Variants in TLL1 observed in about 807,000 individuals in gnomAD.
The protein encoded by TLL1 is tolloid like 1, also known as tolloid-like protein 1.
Under a neutral mutation model 128.2 loss-of-function variants are expected in TLL1, and 49 were observed. The ratio of observed to expected loss-of-function variants is 0.38; its 90% CI spans 0.30 to 0.48. The LOEUF (loss-of-function observed/expected upper bound fraction) is 0.48. Among genes scored for constraint, TLL1 ranks in the 20% least tolerant of loss-of-function variants. The pLI, the probability that TLL1 is intolerant of heterozygous loss-of-function variation, is 0.96. For missense variants in TLL1, 1,123 were observed against 1,242.0 expected, an observed-to-expected ratio of 0.90 and a Z score of 1.44; for synonymous variants, 454 against 418.8, an observed-to-expected ratio of 1.08 and a Z score of -1.03.
intron 12 of TLL1, among the ~76,000 whole-genome samples, chr4:166,054,727 ATTTTTAGTGATAAT>A (rs544127219): frequency 0.015 from 2,235 of 152,012 alleles, 67 homozygotes; most frequent in African/African-American, 0.051. Context: ...TCAGGCCCAG[ATTTTTAGTGATAAT>A]TTTTAATTTT....
intron 18 of TLL1, 30 bp downstream of exon 18, chr4:166,078,060 T>C: frequency 6.2e-7 from 1 of 1,612,158 alleles, no homozygotes; most frequent in Non-Finnish European, 8.5e-7. Context: ...TTCTTTCCAT[T>C]AAGCTGACTG....
chr4:166,030,540 T>C (rs947304136), intron 9 of TLL1: 1 of 593,932 alleles, frequency 1.7e-6, no homozygotes, highest in Non-Finnish European at 3.1e-6. Context: ...TTTAGTTTTA[T>C]TGCCTGTGCT....
chr4:165,967,957 C>T (rs1053996903), intron 1 of TLL1, among the ~76,000 whole-genome samples: 8 of 152,150 alleles, frequency 5.3e-5, no homozygotes, highest in Non-Finnish European at 1.0e-4. Context: ...TACATAACAA[C>T]AATACAATGC....
chr4:165,986,326 C>T (rs1736392245), intron 1 of TLL1, among the ~76,000 whole-genome samples: 1 of 151,926 alleles, frequency 6.6e-6, no homozygotes, highest in South Asian at 2.1e-4. Context: ...AAATAGGACA[C>T]AGATTTAAAT....
intron 14 of TLL1, among the ~76,000 whole-genome samples, chr4:166,059,360 T>A (rs1032334100): frequency 1.3e-5 from 2 of 152,140 alleles, no homozygotes; most frequent in Admixed American, 6.6e-5. Context: ...TTTGCTAATT[T>A]CACTGTCAAT....
chr4:166,041,808 C>T (rs1482083094), intron 10 of TLL1, among the ~76,000 whole-genome samples: 1 of 152,158 alleles, frequency 6.6e-6, no homozygotes, highest in Non-Finnish European at 1.5e-5. Flanking sequence ...GTCAGCTACT[C>T]TGAGGCTGAT....
At chr4:166,075,601 A>G (rs181225664) in intron 17 of TLL1, among the ~76,000 whole-genome samples, 1 of 152,282 alleles carries the variant, frequency 6.6e-6, no homozygotes, top group Non-Finnish European at 1.5e-5. Flanking sequence ...TAAAGCAGTA[A>G]TCCTAATCCC....
chr4:165,918,138 AC>A (rs1198412933), intron 1 of TLL1, among the ~76,000 whole-genome samples: 1 of 152,220 alleles, frequency 6.6e-6, no homozygotes, highest in Non-Finnish European at 1.5e-5. Context: ...ATAATAGTAT[AC>A]CATTTGAAGG....
chr4:166,038,878 A>G (rs1739117239), intron 9 of TLL1, among the ~76,000 whole-genome samples: 1 of 152,164 alleles, frequency 6.6e-6, no homozygotes, highest in Non-Finnish European at 1.5e-5. Flanking sequence ...AAAGTGGCAC[A>G]TGGTGGTTAT....
intron 19 of TLL1, among the ~76,000 whole-genome samples, chr4:166,094,207 C>A (rs540246584): frequency 1.3e-5 from 2 of 152,212 alleles, no homozygotes; most frequent in East Asian, 3.9e-4. Flanking sequence ...CCTCATTTTG[C>A]AGACAAAGAC....
chr4:165,920,820 T>C lies in TLL1; in HGVS notation c.169+46747T>C, dbSNP rs1217122633. On this transcript the variant is annotated intron_variant, in intron 1 of 20. Transcript: ENST00000061240. Reference sequence around the variant, plus strand: ...CAACTTTAGAACATTTTGCATAAAATTATAATAATTTGAATAGGAGGGAAA... The same window carrying C: ...CAACTTTAGAACATTTTGCATAAAACTATAATAATTTGAATAGGAGGGAAA... Among the ~76,000 whole-genome samples the C allele has an allele frequency of 1.3e-5, 2 of 152,196 alleles. 1 individual carries two copies. The highest frequency in any genetic ancestry group is 4.8e-5 in the African/African-American group (2 of 41,454).
intron 1 of TLL1, among the ~76,000 whole-genome samples, chr4:165,909,582 GA>G (rs1291115079): frequency 1.3e-5 from 2 of 152,170 alleles, no homozygotes; most frequent in Non-Finnish European, 2.9e-5. Context: ...AGTTGCTTTA[GA>G]ATGAGCTGAA....
rs1730611023 is a variant in TLL1, at chr4:165,874,024, C to A, written c.120C>A (p.Asn40Lys). 1.2e-6 allele frequency: 2 copies of A among 1,613,966 alleles called. No homozygotes were observed. Among genetic ancestry groups the A allele is most frequent in the Admixed American group, 1.7e-5 (1 of 60,010 alleles). The part of the protein sequence containing the change: ...GLDYDYTFDG[N>K]EEDKTETIDY... Reference sequence around the variant, plus strand: ...ATTATGATTACACTTTTGATGGGAACGAAGAGGATAAAACAGAGACTATAG... The same window carrying A: ...ATTATGATTACACTTTTGATGGGAAAGAAGAGGATAAAACAGAGACTATAG... The change falls in exon 1 of 21, where the codon AAC becomes AAA. Residue 40 changes from asparagine (N) to lysine (K), a missense_variant. Physicochemically the swap from Asn to Lys is moderately conservative, Grantham distance 94. Transcript: ENST00000061240.
chr4:166,060,247 CTG>C, intron 15 of TLL1, 59 bp downstream of exon 15: 1 of 1,515,358 alleles, frequency 6.6e-7, no homozygotes, highest in South Asian at 1.2e-5. Context: ...TGAAGGCAAA[CTG>C]TGAAATTAAA....
chr4:166,041,979 T>C (rs753434065), intron 10 of TLL1, 48 bp from the exon 11 acceptor site: 1 of 1,286,308 alleles, frequency 7.8e-7, no homozygotes, highest in South Asian at 1.2e-5. Flanking sequence ...GAACGTAGAA[T>C]ATAGAGTCCT....
chr4:165,911,045 C>T (rs1732505511), intron 1 of TLL1, among the ~76,000 whole-genome samples: 1 of 152,120 alleles, frequency 6.6e-6, no homozygotes, highest in South Asian at 2.1e-4. Context: ...GAGAGCATTT[C>T]AAGTCCTCAT....
chr4:166,063,426 A>G (rs890379199), intron 15 of TLL1, among the ~76,000 whole-genome samples: 1 of 152,198 alleles, frequency 6.6e-6, no homozygotes, highest in African/African-American at 2.4e-5. Context: ...TGTGGAAGAC[A>G]GTGTGACGAT....
chr4:166,049,882 A>G (rs569742022), intron 12 of TLL1, among the ~76,000 whole-genome samples: 1 of 152,004 alleles, frequency 6.6e-6, no homozygotes, highest in East Asian at 1.9e-4. Context: ...TTTATTTAAC[A>G]TTTTCCCCCA....
chr4:166,034,855 C>T (rs750630208), intron 9 of TLL1, among the ~76,000 whole-genome samples: 19 of 152,084 alleles, frequency 1.2e-4, no homozygotes, highest in Non-Finnish European at 2.5e-4. Context: ...CTGGGAAGCC[C>T]AAGGTCAAGG....
Sources: allele counts gnomAD v4.1 joint callset (sites outside exome capture counted in the v4.1 genomes callset), GRCh38; gene constraint gnomAD v4.1.1; transcripts MANE v1.5; gene names NCBI Gene and HGNC (gene_info 2026-07-23, HGNC 2026-07-21).